MAGI2: variants seen among roughly 807,000 people sequenced by gnomAD.
The protein encoded by MAGI2 is membrane-associated guanylate kinase, WW and PDZ domain-containing protein 2.
In MAGI2, 35 loss-of-function variants were observed where a neutral mutation model predicts 133.3. The observed-to-expected ratio is 0.26, with a 90% CI of 0.20 to 0.35. The LOEUF (loss-of-function observed/expected upper bound fraction) is 0.35. MAGI2 is among the 10% of genes least tolerant of loss of function. The pLI, the probability that MAGI2 is intolerant of heterozygous loss-of-function variation, is 1.00. For synonymous variants in MAGI2, 729 were observed against 710.6 expected (o/e 1.03, Z -0.41); for missense variants, 1,636 against 1,863.4 (o/e 0.88, Z 2.25).
At chr7:79,013,225 G>A (rs902176991) in intron 1 of MAGI2, among the ~76,000 whole-genome samples, 1 of 151,986 alleles carries the variant, frequency 6.6e-6, no homozygotes, top group Admixed American at 6.6e-5. Flanking sequence ...TTACAAATTA[G>A]CTATACTCCA....
intron 20 of MAGI2, among the ~76,000 whole-genome samples, chr7:78,088,451 G>A (rs10256243): frequency 0.041 from 6,186 of 152,242 alleles, 197 homozygotes; most frequent in African/African-American, 0.09. Flanking sequence ...GATGGGTGGC[G>A]GGGACATTGG....
At chr7:79,087,538 G>C (rs1325743993) in intron 1 of MAGI2, among the ~76,000 whole-genome samples, 1 of 151,914 alleles carries the variant, frequency 6.6e-6, no homozygotes, top group Non-Finnish European at 1.5e-5. Context: ...CTTTTATAAT[G>C]AGTCAGTGTA....
chr7:78,546,610 C>A (rs762107656), intron 3 of MAGI2, among the ~76,000 whole-genome samples: 39 of 151,972 alleles, frequency 2.6e-4, no homozygotes, highest in Non-Finnish European at 4.3e-4. Flanking sequence ...CAGCTGTGTC[C>A]CCCTGTGTCC....
intron 2 of MAGI2, among the ~76,000 whole-genome samples, chr7:78,959,827 C>T (rs888434774): frequency 3.3e-5 from 5 of 152,150 alleles, no homozygotes; most frequent in South Asian, 2.1e-4. Context: ...TCATGGGCAC[C>T]GGCAAACACG....
chr7:79,338,278 A>G (rs1005046199), intron 1 of MAGI2, among the ~76,000 whole-genome samples: 2 of 152,076 alleles, frequency 1.3e-5, no homozygotes, highest in African/African-American at 4.8e-5. Flanking sequence ...CCTTCTCTAG[A>G]TTAGTGTGTG....
At chr7:78,350,116 T>G (rs1791351051) in intron 7 of MAGI2, 2 of 152,224 alleles carry the variant, frequency 1.3e-5, no homozygotes, top group African/African-American at 2.4e-5. Flanking sequence ...GATTCCGTTT[T>G]CTCTTTACAG....
At chr7:79,230,551 A>AGCATTTTT (rs1831275239) in intron 1 of MAGI2, among the ~76,000 whole-genome samples, 1 of 151,790 alleles carries the variant, frequency 6.6e-6, no homozygotes, top group African/African-American at 2.4e-5. Context: ...AGTGATGACG[A>AGCATTTTT]GCATTTTTTC....
Position 78,127,342 on chromosome 7 carries a change from T to C in MAGI2, c.3278A>G (p.Gln1093Arg). ...GGGTTGCCTGTAATCCAGCGGGGGCTGCCTGTAGTCTGTGAATGGAGGCTG... is the reference window on the plus strand; with the variant it reads ...GGGTTGCCTGTAATCCAGCGGGGGCCGCCTGTAGTCTGTGAATGGAGGCTG... ...IRQPPFTDYR[Q>R]PPLDYRQPPG... Residue 1093 changes from glutamine to arginine, a missense_variant, in exon 19 of 22, where the codon CAG becomes CGG. Physicochemically the swap from Gln to Arg is conservative, Grantham distance 43. Around this residue, in one of 5 missense-constraint regions of MAGI2, gnomAD observed 920 missense variants for 1,093.5 expected, o/e 0.84. Coordinates refer to ENST00000354212, the MANE Select transcript of MAGI2 (RefSeq NM_012301.4). 5.0e-6 allele frequency: 8 copies of C among 1,610,928 alleles called. No homozygotes were observed. Among genetic ancestry groups the C allele is most frequent in the Non-Finnish European group, 6.8e-6 (8 of 1,179,942 alleles).
chr7:79,094,501 T>C (rs1335373979), intron 1 of MAGI2, among the ~76,000 whole-genome samples: 1 of 152,240 alleles, frequency 6.6e-6, no homozygotes. Context: ...ATTATGAATG[T>C]TGTTAATAAC....
chr7:78,888,115 C>A (rs763309042), intron 2 of MAGI2, among the ~76,000 whole-genome samples: 1 of 152,228 alleles, frequency 6.6e-6, no homozygotes, highest in Non-Finnish European at 1.5e-5. Flanking sequence ...TCTACACCCA[C>A]AGAACCTCGC....
At chr7:78,472,920 G>A (rs1008625176) in intron 6 of MAGI2, among the ~76,000 whole-genome samples, 4 of 152,106 alleles carry the variant, frequency 2.6e-5, no homozygotes, top group Non-Finnish European at 2.9e-5. Flanking sequence ...GCCTAGTGGC[G>A]AGGTAGTATA....
chr7:79,085,314 AT>A (rs1194647524), intron 1 of MAGI2, among the ~76,000 whole-genome samples: 5 of 151,718 alleles, frequency 3.3e-5, no homozygotes, highest in African/African-American at 9.7e-5. Flanking sequence ...TTGAGAATAT[AT>A]TTTTGACTCT....
At chr7:79,114,427 C>T (rs930927905) in intron 1 of MAGI2, among the ~76,000 whole-genome samples, 1 of 152,122 alleles carries the variant, frequency 6.6e-6, no homozygotes, top group Non-Finnish European at 1.5e-5. Context: ...GTTACAGTGC[C>T]TCCTGGTTTT....
intron 2 of MAGI2, among the ~76,000 whole-genome samples, chr7:78,772,849 A>G (rs998016646): frequency 4.6e-5 from 7 of 152,264 alleles, no homozygotes; most frequent in Admixed American, 6.5e-5. Context: ...AGAAAGACCT[A>G]AAATGTTATA....
intron 2 of MAGI2, among the ~76,000 whole-genome samples, chr7:78,964,087 T>C (rs1235348195): frequency 6.6e-6 from 1 of 152,006 alleles, no homozygotes; most frequent in Non-Finnish European, 1.5e-5. Context: ...GTTATTTAGT[T>C]TAGCCCTCCT....
intron 1 of MAGI2, among the ~76,000 whole-genome samples, chr7:79,181,556 G>C (rs185119071): frequency 1.3e-5 from 2 of 151,898 alleles, no homozygotes; most frequent in African/African-American, 4.8e-5. Flanking sequence ...CTAAACCTCC[G>C]GGCCTGTGAT....
chr7:78,292,739 T>C (rs1584752283), intron 9 of MAGI2, among the ~76,000 whole-genome samples: 2 of 152,210 alleles, frequency 1.3e-5, no homozygotes, highest in Non-Finnish European at 1.5e-5. Context: ...AACAGAGATA[T>C]AGACCAATGG....
chr7:79,366,415 T>G (rs1842714196), intron 1 of MAGI2, among the ~76,000 whole-genome samples: 1 of 151,898 alleles, frequency 6.6e-6, no homozygotes, highest in Non-Finnish European at 1.5e-5. Flanking sequence ...CAGGAGGAGG[T>G]GGGTGTGGTC....
In MAGI2 at chr7:78,754,041, T is replaced by C. The variant is rs1437427702; in HGVS notation, c.419-126802A>G. 3.3e-5 allele frequency among the ~76,000 whole-genome samples: 5 copies of C among 152,068 alleles called. No homozygotes were observed. In the East Asian group the frequency reaches 5.8e-4, roughly 18 times the overall value. On this transcript the variant is annotated intron_variant, in intron 2 of 21. Transcript: ENST00000354212. ...TTTCTTCAGCCAGAGAAAACTGATA[T>C]CTGATGGAAACTTGCATATTTAGGA...
Sources: allele counts gnomAD v4.1 joint callset (sites outside exome capture counted in the v4.1 genomes callset), GRCh38; gene constraint gnomAD v4.1.1; regional missense constraint gnomAD v4.1.1; transcripts MANE v1.5; gene names NCBI Gene and HGNC (gene_info 2026-07-23, HGNC 2026-07-21).